CYP26B1: variants seen among roughly 807,000 people sequenced by gnomAD.
CYP26B1 encodes cytochrome P450 26B1.
A neutral mutation model predicts 39.1 loss-of-function variants in CYP26B1; 8 were observed. That is an observed-to-expected ratio of 0.20 (90% CI 0.12 to 0.37). CYP26B1 has a LOEUF of 0.37. Among genes scored for constraint, CYP26B1 ranks in the 10% least tolerant of loss-of-function variants. CYP26B1 has a pLI of 1.00. For missense variants in CYP26B1, 615 were observed against 707.0 expected, an observed-to-expected ratio of 0.87 and a Z score of 1.48; for synonymous variants, 321 against 314.3, an observed-to-expected ratio of 1.02 and a Z score of -0.23.
chr2:72,144,551 G>A lies in CYP26B1; in HGVS notation c.205-338C>T, dbSNP rs1433124528. 3.1e-5 allele frequency: 26 copies of A among 834,586 alleles called. No homozygotes were observed. In the East Asian group the frequency reaches 1.7e-3, roughly 54 times the overall value. The allele number at this position is 834,586 out of a possible 1,614,324, so 51.7% of individuals were successfully genotyped here. On this transcript the variant is annotated intron_variant, in intron 1 of 5. Transcript: ENST00000001146. ...ACCCCCACCCCCACACCCCCACCCC[G>A]CGCTCGGGAGCCTCTCGGAATAAAT...
At chr2:72,140,383 G>A (rs889935665) in intron 2 of CYP26B1, among the ~76,000 whole-genome samples, 2 of 152,224 alleles carry the variant, frequency 1.3e-5, no homozygotes, top group Admixed American at 6.5e-5. Flanking sequence ...CCCACCCGCT[G>A]GTGCTACAGT....
At chr2:72,140,284 G>A (rs1020851365) in intron 2 of CYP26B1, among the ~76,000 whole-genome samples, 10 of 152,216 alleles carry the variant, frequency 6.6e-5, no homozygotes, top group Non-Finnish European at 1.3e-4. Context: ...CCACTCCCAG[G>A]CACCCTGGCA....
In CYP26B1 at chr2:72,147,549, C is replaced by CCCCTGGCCGGCCCGCCGCT; in HGVS notation, c.204+63_204+81dup. On this transcript the variant is annotated intron_variant, in intron 1 of 5. Coordinates refer to ENST00000001146, the MANE Select transcript of CYP26B1 (RefSeq NM_019885.4). This position sits in a 1 kb window ranked among gnomAD's most constrained non-coding sequence, Gnocchi z 6.1. ...ACCAGTGCCTTCAGGCTCCCGGCGC[C>CCCCTGGCCGGCCCGCCGCT]CCCTGGCCGGCCCGCCGCTCCGTCT... The CCCCTGGCCGGCCCGCCGCT allele has an allele frequency of 7.1e-7, 1 of 1,407,486 alleles. No individual in the cohort carries two copies. 87.2% of individuals were successfully genotyped at this position (1,407,486 alleles called of 1,614,324 possible). A position where few individuals can be genotyped will look rare whatever the true frequency, so the allele number is the denominator to read the frequency against.
chr2:72,135,635 G>A lies in CYP26B1; in HGVS notation c.430-216C>T, dbSNP rs539313939. The stretch of plus-strand genomic sequence containing the variant: ...GGGCTGGGCAGGGCCAGAGCAGGGC[G>A]GCTGCCCTTCCATTGCAGAAGCCCA... On this transcript the variant is annotated intron_variant, in intron 2 of 5. Coordinates refer to ENST00000001146, the MANE Select transcript of CYP26B1 (RefSeq NM_019885.4). 1.2e-4 allele frequency among the ~76,000 whole-genome samples: 19 copies of A among 152,272 alleles called. No individual in the cohort carries two copies. The South Asian group carries it at 3.5e-3, about 28-fold the overall frequency.
chr2:72,142,648 T>C (rs996766068), intron 2 of CYP26B1, among the ~76,000 whole-genome samples: 1 of 152,130 alleles, frequency 6.6e-6, no homozygotes, highest in African/African-American at 2.4e-5. Flanking sequence ...GGGCCTCTGG[T>C]GGAGTCGCAA....
chr2:72,134,664 AG>A (rs1676702383), intron 4 of CYP26B1, 96 bp downstream of exon 4: 9 of 1,526,740 alleles, frequency 5.9e-6, no homozygotes, highest in South Asian at 1.2e-5. Context: ...GCCAGACTAC[AG>A]GGGGTAGAAA....
Position 72,133,026 on chromosome 2 carries a change from A to G in CYP26B1, c.1143T>C (p.Leu381=), listed in dbSNP as rs1676639664. The G allele has an allele frequency of 1.2e-6, 2 of 1,613,026 alleles. No individual in the cohort carries two copies. Among genetic ancestry groups the G allele is most frequent in the South Asian group, 2.2e-5 (2 of 91,092 alleles). ...GYRTVLQTFE[L]DGFQIPKGWS... is the part of the protein sequence containing the mutation. ...GGTGCCACGGGCCCAGCCTCACATC[A>G]AGCTCGAAGGTCTGCAGCACAGTGC... is the stretch of plus-strand genomic sequence containing the variant. Residue 381 remains leucine, a synonymous_variant, in exon 5 of 6, where the codon CTT becomes CTC. Transcript: ENST00000001146.
At position 72,147,380 on chromosome 2, in the gene CYP26B1, T is replaced by C. The variant is rs1049733487; in HGVS notation, c.204+251A>G. Among the ~76,000 whole-genome samples the C allele has an allele frequency of 1.3e-5, 2 of 152,070 alleles. No homozygotes were observed. Among genetic ancestry groups the C allele is most frequent in the Admixed American group, 1.3e-4 (2 of 15,280 alleles). ...AGCCGCGACCCAGGCAAGTCCATCT[T>C]GGGAGCCCCCTCAGGTCCGGGAACC... On this transcript the variant is annotated intron_variant, in intron 1 of 5. Transcript: ENST00000001146. The surrounding 1 kb of genome is among the most constrained non-coding windows in gnomAD (Gnocchi z 6.1).
chr2:72,145,743 G>C (rs894896143), intron 1 of CYP26B1, among the ~76,000 whole-genome samples: 11 of 151,724 alleles, frequency 7.3e-5, no homozygotes, highest in African/African-American at 2.4e-4. Flanking sequence ...TATAATTAAA[G>C]TGCGTTTTTT....
At chr2:72,142,029 G>C (rs1309242318) in intron 2 of CYP26B1, among the ~76,000 whole-genome samples, 1 of 152,124 alleles carries the variant, frequency 6.6e-6, no homozygotes. Flanking sequence ...GTTCTGAATA[G>C]GGAGCCATCG....
In CYP26B1 at chr2:72,147,291, G is replaced by T. The variant is rs191876805; in HGVS notation, c.204+340C>A. Among the ~76,000 whole-genome samples the T allele has an allele frequency of 1.1e-3, 171 of 152,248 alleles. No homozygotes were observed. The highest frequency in any genetic ancestry group is 3.9e-3 in the African/African-American group (164 of 41,560). Reference sequence around the variant, plus strand: ...GGGAGGCGAAAGCGGCTCAGGACCGGACCCTCCCCCGGGACCGCGCCTCGC... The same window carrying T: ...GGGAGGCGAAAGCGGCTCAGGACCGTACCCTCCCCCGGGACCGCGCCTCGC... On this transcript the variant is annotated intron_variant, in intron 1 of 5. Transcript: ENST00000001146. The surrounding 1 kb of genome is among the most constrained non-coding windows in gnomAD (Gnocchi z 6.1).
chr2:72,130,226 T>G lies in CYP26B1; in HGVS notation c.*2001A>C, dbSNP rs927716066. ...GAACCTCCCAGACACTGGTTTTGTG[T>G]TGGGGGGAGGGGGTACAGGTCCGGG... On this transcript the variant is annotated 3_prime_UTR_variant, in exon 6 of 6. Coordinates refer to ENST00000001146, the MANE Select transcript of CYP26B1 (RefSeq NM_019885.4). 1 of 152,388 alleles carries G rather than the reference T, an allele frequency of 6.6e-6. No homozygotes were observed. Among genetic ancestry groups the G allele is most frequent in the South Asian group, 2.1e-4 (1 of 4,822 alleles). The allele number at this position is 152,388 out of a possible 1,614,324, so 9.4% of individuals were successfully genotyped here.
At position 72,147,515 on chromosome 2, in the gene CYP26B1, G is replaced by T; in HGVS notation, c.204+116C>A. 1 of 1,042,292 alleles carries T rather than the reference G, an allele frequency of 9.6e-7. No homozygotes were observed. The highest frequency in any genetic ancestry group is 1.3e-6 in the Non-Finnish European group (1 of 760,340). 64.6% of individuals were successfully genotyped at this position (1,042,292 alleles called of 1,614,324 possible). On this transcript the variant is annotated intron_variant, in intron 1 of 5. Coordinates refer to ENST00000001146, the MANE Select transcript of CYP26B1 (RefSeq NM_019885.4). This position sits in a 1 kb window ranked among gnomAD's most constrained non-coding sequence, Gnocchi z 6.1. ...CTGCGGCAGAGAGGAGGGAAGGGGC[G>T]GGGCGGGGACCAGTGCCTTCAGGCT...
intron 2 of CYP26B1, among the ~76,000 whole-genome samples, chr2:72,136,054 T>C (rs560639866): frequency 1.1e-3 from 161 of 148,652 alleles, no homozygotes; most frequent in African/African-American, 3.6e-3. Flanking sequence ...CTCCTTGTCC[T>C]CCGTCCTCCC....
At chr2:72,143,939 C>T (rs1558971920) in intron 2 of CYP26B1, 50 bp downstream of exon 2, 1 of 1,604,226 alleles carries the variant, frequency 6.2e-7, no homozygotes, top group Admixed American at 1.7e-5. Flanking sequence ...GAACTCCTTG[C>T]CCCGAGGTGG....
intron 2 of CYP26B1, 64 bp from the exon 3 acceptor site, chr2:72,135,483 C>CT: frequency 6.3e-7 from 1 of 1,593,006 alleles, no homozygotes; most frequent in South Asian, 1.1e-5. Context: ...CAGCCCCTCA[C>CT]TCTGCCTGAA....
rs754021915 is a variant in CYP26B1 at position 72,134,903 on chromosome 2, C to T, written c.719G>A (p.Arg240Gln). Residue 240 changes from arginine (R) to glutamine (Q), a missense_variant, in exon 4 of 6, where the codon CGG (arginine) becomes CAG (glutamine). Physicochemically the swap from Arg to Gln is conservative, Grantham distance 43 (BLOSUM62 1). Coordinates refer to ENST00000001146, the MANE Select transcript of CYP26B1 (RefSeq NM_019885.4). ...FSGYRRGIQA[R>Q]QILQKGLEKA... ...CTCCAGCCCCTTCTGCAGGATCTGCCGAGCCTGAATGCCCTGCAGAGGTGA... is the reference window on the plus strand; with the variant it reads ...CTCCAGCCCCTTCTGCAGGATCTGCTGAGCCTGAATGCCCTGCAGAGGTGA... 9.9e-6 allele frequency: 16 copies of T among 1,613,792 alleles called. No individual in the cohort carries two copies. The highest frequency in any genetic ancestry group is 4.0e-5 in the African/African-American group (3 of 74,884).
At chr2:72,136,342 T>C (rs1676774928) in intron 2 of CYP26B1, among the ~76,000 whole-genome samples, 2 of 152,146 alleles carry the variant, frequency 1.3e-5, no homozygotes, top group South Asian at 4.1e-4. Flanking sequence ...CCTCCCCTAC[T>C]GCCCCCCCAA....
chr2:72,139,114 C>T (rs552477028), intron 2 of CYP26B1, among the ~76,000 whole-genome samples: 2 of 152,126 alleles, frequency 1.3e-5, no homozygotes, highest in South Asian at 2.1e-4. Flanking sequence ...GCAGTAGGAG[C>T]GGGTAGAGCC....
Sources: allele counts gnomAD v4.1 joint callset (sites outside exome capture counted in the v4.1 genomes callset), GRCh38; gene constraint gnomAD v4.1.1; non-coding constraint Gnocchi (gnomAD v3.1); transcripts MANE v1.5; gene names NCBI Gene and HGNC (gene_info 2026-07-23, HGNC 2026-07-21).